CNTRL: variants seen among roughly 807,000 people sequenced by gnomAD.
The protein encoded by CNTRL is 110 kDa centrosomal protein.
CNTRL carries 233 observed loss-of-function variants against 303.7 expected under a neutral mutation model. The observed-to-expected ratio is 0.77, with a 90% CI of 0.69 to 0.86. CNTRL has a LOEUF of 0.86. Ranked by LOEUF, CNTRL falls within the 40% of genes least tolerant of loss-of-function variation. CNTRL has a pLI of 0.00. For missense variants in CNTRL, 2,524 were observed against 2,650.6 expected, an observed-to-expected ratio of 0.95 and a Z score of 1.05; for synonymous variants, 900 against 922.2, an observed-to-expected ratio of 0.98 and a Z score of 0.44.
At chr9:121,143,496 G>A (rs189423397) in intron 19 of CNTRL, among the ~76,000 whole-genome samples, 67 of 152,194 alleles carry the variant, frequency 4.4e-4, no homozygotes, top group African/African-American at 8.7e-4. Context: ...TTAAGCCTAC[G>A]AGGCCTACAT....
intron 20 of CNTRL, 21 bp downstream of exon 20, chr9:121,144,103 C>T: frequency 6.4e-7 from 1 of 1,564,332 alleles, no homozygotes; most frequent in Non-Finnish European, 8.7e-7. Context: ...ATGTACAGAA[C>T]AGGTTTCCAT....
rs1245529576 is a variant in CNTRL at position 121,125,791 on chromosome 9, C to A, written c.1880C>A (p.Thr627Asn). The change falls in exon 14 of 44, where the codon ACC becomes AAC. Residue 627 changes from threonine to asparagine, a missense_variant. Coordinates refer to ENST00000373855, the MANE Select transcript of CNTRL (RefSeq NM_007018.6). ...VISGLQEYLG[T>N]IKGQATQAQN... ...AGTGGGTTGCAAGAATACCTGGGGACCATTAAAGGCCAGGCAACTCAGGCC... is the reference window on the plus strand; with the variant it reads ...AGTGGGTTGCAAGAATACCTGGGGAACATTAAAGGCCAGGCAACTCAGGCC... 6.2e-7 allele frequency: 1 copy of A among 1,613,952 alleles called. No individual in the cohort carries two copies. Among genetic ancestry groups the A allele is most frequent in the Non-Finnish European group, 8.5e-7 (1 of 1,180,010 alleles).
In CNTRL at chr9:121,094,915, A is replaced by G; in HGVS notation, c.376A>G (p.Lys126Glu). The change falls in exon 5 of 44, where the codon AAA becomes GAA. Residue 126 changes from lysine (K) to glutamate (E), a missense_variant. Physicochemically the swap from Lys to Glu is moderately conservative, Grantham distance 56 (BLOSUM62 1). Transcript: ENST00000373855. ...KYIENLEKCV[K>E]LEVLNLSYNL... ...TATTGAGAATTTGGAAAAATGTGTT[A>G]AACTTGAAGTACTGAATCTCAGCTA... 1 of 1,580,794 alleles carries G rather than the reference A, an allele frequency of 6.3e-7. No individual in the cohort carries two copies. The highest frequency in any genetic ancestry group is 8.6e-7 in the Non-Finnish European group (1 of 1,159,518).
At chr9:121,160,006 T>G in intron 31 of CNTRL, 137 bp from the exon 32 acceptor site, 2 of 527,468 alleles carry the variant, frequency 3.8e-6, no homozygotes, top group Non-Finnish European at 6.3e-6. Context: ...AATGCTGTTC[T>G]TGACATAAAA....
chr9:121,158,232 C>A, intron 30 of CNTRL, 123 bp downstream of exon 30: 1 of 1,209,630 alleles, frequency 8.3e-7, no homozygotes, highest in Non-Finnish European at 1.1e-6. Flanking sequence ...AGCATGAAGT[C>A]TGAACTAAAT....
At chr9:121,084,736 G>T (rs1305489686) in intron 2 of CNTRL, among the ~76,000 whole-genome samples, 3 of 152,094 alleles carry the variant, frequency 2.0e-5, no homozygotes, top group Non-Finnish European at 4.4e-5. Flanking sequence ...AGTAGAGACG[G>T]GGTTTCACCA....
rs185213432 is a variant in CNTRL, at chr9:121,111,643, C to T, written c.1003-816C>T. Among the ~76,000 whole-genome samples, 87 of 152,090 alleles carry T rather than the reference C, an allele frequency of 5.7e-4. 1 individual carries two copies. The highest frequency in any genetic ancestry group is 8.3e-4 in the South Asian group (4 of 4,820). On this transcript the variant is annotated intron_variant, in intron 8 of 43. Coordinates refer to ENST00000373855, the MANE Select transcript of CNTRL (RefSeq NM_007018.6). ...ACTTAGTGGATCTTTGAAATAAACT[C>T]AAAGTTTGGTTTAGTAGAAAGGAGC...
At chr9:121,122,263 A>T (rs557199286) in intron 12 of CNTRL, 1 of 313,322 alleles carries the variant, frequency 3.2e-6, no homozygotes, top group East Asian at 1.7e-4. Flanking sequence ...TGTTATATGT[A>T]GTTAACTTTT....
At chr9:121,148,998 G>T in intron 24 of CNTRL, 137 bp downstream of exon 24, 2 of 726,844 alleles carry the variant, frequency 2.8e-6, no homozygotes, top group Non-Finnish European at 4.4e-6. Context: ...GTCTTGGCCA[G>T]CGACCTCTTG....
Position 121,145,285 on chromosome 9 carries a change from A to G in CNTRL, c.3210A>G (p.Ala1070=). ...EMEKTGVGTG[A]NSQVLEIEKL... ...AGAAAACAGGTGTAGGTACTGGAGC[A>G]AACTCACAGGTCCTAGAAATTGAGA... The change falls in exon 22 of 44, where the codon GCA becomes GCG. Residue 1070 remains alanine (A), a synonymous_variant. Transcript: ENST00000373855. 1 of 1,613,992 alleles carries G rather than the reference A, an allele frequency of 6.2e-7. No homozygotes were observed. The highest frequency in any genetic ancestry group is 1.3e-5 in the African/African-American group (1 of 75,050).
Position 121,126,052 on chromosome 9 carries a change from A to G in CNTRL, c.2025+116A>G, listed in dbSNP as rs1054847985. 4.0e-6 allele frequency: 3 copies of G among 757,780 alleles called. No homozygotes were observed. In the African/African-American group the frequency reaches 5.3e-5, roughly 13 times the overall value. 46.9% of individuals were successfully genotyped at this position (757,780 alleles called of 1,614,324 possible). On this transcript the variant is annotated intron_variant, in intron 14 of 43. Transcript: ENST00000373855. ...AGTGGGAAAAAGTATTAGTGGCTAT[A>G]TGGTGATTTTTTTCTTTTAACAGTT...
Position 121,168,389 on chromosome 9 carries a change from G to C in CNTRL, c.6070+68G>C, listed in dbSNP as rs547013610. ...TGGCTCTGCTGGTTGTCTTGCAAAA[G>C]TATTTAAAGAGATCCGGACCCCAGC... On this transcript the variant is annotated intron_variant, in intron 38 of 43. Transcript: ENST00000373855. 1.7e-5 allele frequency: 24 copies of C among 1,435,586 alleles called. No homozygotes were observed. The South Asian group carries it at 2.5e-4, about 15-fold the overall frequency. The allele number at this position is 1,435,586 out of a possible 1,614,324, so 88.9% of individuals were successfully genotyped here.
rs943294574 is a variant in CNTRL at position 121,159,162 on chromosome 9, C to T, written c.4929+143C>T. ...CTGTAAAATCAGTTTGGTGTTGTTA[C>T]ATATCCATGCAGTGGCTGTCATGTG... On this transcript the variant is annotated intron_variant, in intron 31 of 43. Transcript: ENST00000373855. 2.3e-5 allele frequency: 18 copies of T among 793,504 alleles called. No homozygotes were observed. The African/African-American group carries it at 3.0e-4, about 13-fold the overall frequency. 49.2% of individuals were successfully genotyped at this position (793,504 alleles called of 1,614,324 possible).
Position 121,150,462 on chromosome 9 carries a change from C to T in CNTRL, c.3942C>T (p.Asn1314=), listed in dbSNP as rs1365723941. The change falls in exon 25 of 44, where the codon AAC becomes AAT. Residue 1314 remains asparagine, a synonymous_variant. Coordinates refer to ENST00000373855, the MANE Select transcript of CNTRL (RefSeq NM_007018.6). ...PFIPMGVLHC[N]VPEHHNLENE... ...TCCCTATGGGTGTGCTGCATTGCAA[C>T]GTCCCTGAACACCATAACTTAGTAA... The T allele has an allele frequency of 5.0e-6, 8 of 1,614,110 alleles. No individual in the cohort carries two copies. In the East Asian group the frequency reaches 8.9e-5, roughly 18 times the overall value.
intron 8 of CNTRL, among the ~76,000 whole-genome samples, chr9:121,110,603 A>G (rs1293817755): frequency 3.3e-5 from 5 of 151,952 alleles, no homozygotes; most frequent in African/African-American, 1.2e-4. Context: ...TGTGTTTTTC[A>G]GGGTTTGCAT....
intron 8 of CNTRL, among the ~76,000 whole-genome samples, 164 bp downstream of exon 8, chr9:121,108,159 A>T (rs2049568688): frequency 6.6e-6 from 1 of 152,196 alleles, no homozygotes; most frequent in Non-Finnish European, 1.5e-5. Context: ...GTGCTAGATG[A>T]TATGGCTTCC....
chr9:121,164,585 C>T lies in CNTRL; in HGVS notation c.5424-358C>T, dbSNP rs143030779. 3.6e-4 allele frequency among the ~76,000 whole-genome samples: 55 copies of T among 152,346 alleles called. 1 individual carries two copies. In the East Asian group the frequency reaches 8.5e-3, roughly 23 times the overall value. On this transcript the variant is annotated intron_variant, in intron 34 of 43. Transcript: ENST00000373855. ...ACTGTATGACTCCCTTTATGTACTA[C>T]AATACATGCTCATGCATGTCTGCTA...
In CNTRL at chr9:121,161,955, A is replaced by G. The variant is rs2052874203; in HGVS notation, c.5189A>G (p.Gln1730Arg). The G allele has an allele frequency of 6.2e-7, 1 of 1,613,934 alleles. No homozygotes were observed. The highest frequency in any genetic ancestry group is 1.3e-5 in the African/African-American group (1 of 74,934). ...DQRVSELEKT[Q>R]VAVLEEKLEL... ...AGGGTATCTGAATTAGAGAAGACTC[A>G]GGTGGCAGTGCTAGAGGTAATGAAC... The change falls in exon 33 of 44, where the codon CAG becomes CGG. Residue 1730 changes from glutamine to arginine, a missense_variant. Physicochemically the swap from Gln to Arg is conservative, Grantham distance 43. Transcript: ENST00000373855.
In CNTRL at chr9:121,148,764, G is replaced by A; in HGVS notation, c.3552G>A (p.Gln1184=). 1 of 1,614,122 alleles carries A rather than the reference G, an allele frequency of 6.2e-7. No individual in the cohort carries two copies. Among genetic ancestry groups the A allele is most frequent in the Non-Finnish European group, 8.5e-7 (1 of 1,179,998 alleles). The change falls in exon 24 of 44, where the codon CAG becomes CAA. Residue 1184 remains glutamine, a synonymous_variant. Transcript: ENST00000373855. The part of the protein sequence containing the change: ...STPVRKPRPG[Q]QDGKEGSQPP... ...CTGTTAGAAAACCACGCCCTGGGCA[G>A]CAGGATGGGAAGGAAGGCAGTCAAC...
Sources: gnomAD v4.1 joint callset for allele counts (sites outside exome capture counted in the v4.1 genomes callset) on GRCh38, gnomAD v4.1.1 for gene constraint, MANE v1.5 for transcripts, NCBI Gene and HGNC (gene_info 2026-07-23, HGNC 2026-07-21) for gene names.